Variants in CCDC141 observed in about 807,000 individuals in gnomAD.
The protein encoded by CCDC141 is coiled-coil domain containing 141.
Under a neutral mutation model 181.0 loss-of-function variants are expected in CCDC141, and 168 were observed. The observed-to-expected ratio is 0.93, with a 90% CI of 0.82 to 1.05. The LOEUF (loss-of-function observed/expected upper bound fraction) is 1.05. CCDC141 is among the 50% of genes least tolerant of loss of function. CCDC141 has a pLI of 0.00. For synonymous variants in CCDC141, 666 were observed against 642.3 expected, an observed-to-expected ratio of 1.04 and a Z score of -0.56; for missense variants, 1,902 against 1,788.5, an observed-to-expected ratio of 1.06 and a Z score of -1.14.
At chr2:178,827,384 G>C (rs73040347), downstream of CCDC141, among the ~76,000 whole-genome samples, 3 of 152,080 alleles carry the variant, frequency 2.0e-5, no homozygotes, top group Non-Finnish European at 4.4e-5. Context: ...TGCTGTTTAG[G>C]TCATGTATTT....
chr2:178,894,362 G>C (rs1200116166), intron 8 of CCDC141, among the ~76,000 whole-genome samples: 2 of 152,046 alleles, frequency 1.3e-5, no homozygotes, highest in African/African-American at 2.4e-5. Context: ...CTCCAAATGA[G>C]AGTGCAATCC....
intron 2 of CCDC141, among the ~76,000 whole-genome samples, chr2:179,014,013 C>T (rs1438862938): frequency 4.2e-5 from 6 of 143,802 alleles, no homozygotes; most frequent in African/African-American, 1.5e-4. Context: ...CATCACACTA[C>T]CTCATTTCAA....
chr2:178,844,486 T>G (rs149896108), intron 22 of CCDC141, among the ~76,000 whole-genome samples: 2 of 152,278 alleles, frequency 1.3e-5, no homozygotes, highest in South Asian at 2.1e-4. Context: ...GTAAAACCAT[T>G]TGATACAAGA....
At position 178,981,650 on chromosome 2, in the gene CCDC141, A is replaced by ATATG. The variant is rs1553495349; in HGVS notation, c.226-2976_226-2975insCATA. On this transcript the variant is annotated intron_variant, in intron 2 of 23. Transcript: ENST00000443758. ...TGTGTGTGTGTGTATATATATATAT[A>ATATG]TATATATACATACATATATACATAT... is the stretch of plus-strand genomic sequence containing the variant. 9.4e-5 allele frequency among the ~76,000 whole-genome samples: 12 copies of ATATG among 127,316 alleles called. No individual in the cohort carries two copies. The East Asian group carries it at 9.8e-4, about 10-fold the overall frequency. 83.5% of individuals were successfully genotyped at this position (127,316 alleles called of 152,430 possible). A position where few individuals can be genotyped will look rare whatever the true frequency, so the allele number is the denominator to read the frequency against.
chr2:178,828,510 A>G (rs1684157735), downstream of CCDC141, among the ~76,000 whole-genome samples: 2 of 152,228 alleles, frequency 1.3e-5, no homozygotes, highest in Non-Finnish European at 2.9e-5. Context: ...AGTAATAGAA[A>G]TGAATAAAAA....
intron 2 of CCDC141, among the ~76,000 whole-genome samples, chr2:179,031,364 TA>T (rs2042996405): frequency 6.6e-6 from 1 of 152,024 alleles, no homozygotes; most frequent in African/African-American, 2.4e-5. Context: ...CTTTTACGCC[TA>T]ATATTAATAA....
At chr2:178,918,955 C>G in intron 6 of CCDC141, 48 bp from the exon 7 acceptor site, 1 of 1,482,368 alleles carries the variant, frequency 6.7e-7, no homozygotes, top group Non-Finnish European at 9.1e-7. Flanking sequence ...CTGTTATGGA[C>G]CGAATGCTTG....
chr2:179,025,432 C>T (rs183447337), intron 2 of CCDC141, among the ~76,000 whole-genome samples: 6 of 152,206 alleles, frequency 3.9e-5, no homozygotes, highest in South Asian at 2.1e-4. Context: ...GGTTTTAAAA[C>T]GGGAGTTGCC....
the CCDC141 span, chr2:178,817,410 G>C: frequency 2.2e-6 from 1 of 446,486 alleles, no homozygotes; most frequent in Non-Finnish European, 4.6e-6. Context: ...TAGGACAGAA[G>C]TACTTCCTAG....
At chr2:178,872,403 A>C in intron 12 of CCDC141, 91 bp from the exon 13 acceptor site, 1 of 1,191,444 alleles carries the variant, frequency 8.4e-7, no homozygotes, top group Non-Finnish European at 1.2e-6. Flanking sequence ...CAAATTCTTT[A>C]TCACAACCAA....
intron 3 of CCDC141, among the ~76,000 whole-genome samples, chr2:178,976,865 G>C (rs772490090): frequency 1.3e-5 from 2 of 152,008 alleles, no homozygotes; most frequent in Non-Finnish European, 2.9e-5. Flanking sequence ...AAAAGTTCCA[G>C]GGTCACTGTT....
At chr2:178,996,295 C>G (rs1483228538) in intron 2 of CCDC141, among the ~76,000 whole-genome samples, 2 of 152,050 alleles carry the variant, frequency 1.3e-5, no homozygotes, top group Admixed American at 1.3e-4. Flanking sequence ...CCAGGCTGGT[C>G]TCAAACTTCT....
At chr2:178,863,720 G>C (rs1685718212) in intron 17 of CCDC141, among the ~76,000 whole-genome samples, 2 of 152,294 alleles carry the variant, frequency 1.3e-5, no homozygotes, top group African/African-American at 4.8e-5. Flanking sequence ...AAGTGACAAA[G>C]ACTCAAAGTT....
chr2:178,888,704 C>T (rs1041044038), intron 8 of CCDC141, 36 bp from the exon 9 acceptor site: 2 of 1,548,610 alleles, frequency 1.3e-6, no homozygotes, highest in African/African-American at 1.4e-5. Context: ...TTCACTCCAC[C>T]CCAATATAGA....
intron 19 of CCDC141, 55 bp from the exon 20 acceptor site, chr2:178,853,679 C>A: frequency 6.8e-7 from 1 of 1,475,000 alleles, no homozygotes; most frequent in Non-Finnish European, 9.2e-7. Flanking sequence ...TTCTAAAGTT[C>A]TTAATTTTGA....
intron 2 of CCDC141, among the ~76,000 whole-genome samples, chr2:179,015,101 T>TATATATATAA (rs2042413678): frequency 2.7e-5 from 1 of 36,436 alleles, no homozygotes; most frequent in African/African-American, 6.8e-5. Flanking sequence ...TATATATATA[T>TATATATATAA]ATAATATATA....
At chr2:178,983,155 C>T (rs1691518941) in intron 2 of CCDC141, among the ~76,000 whole-genome samples, 1 of 152,172 alleles carries the variant, frequency 6.6e-6, no homozygotes, top group Non-Finnish European at 1.5e-5. Flanking sequence ...GGGTCCCTGA[C>T]CCCTGACCCC....
At chr2:178,869,052 A>G in intron 15 of CCDC141, 65 bp downstream of exon 15, 1 of 1,208,868 alleles carries the variant, frequency 8.3e-7, no homozygotes, top group Non-Finnish European at 1.1e-6. Flanking sequence ...TTATTATATA[A>G]TAATTCATTT....
chr2:179,033,829 G>A (rs1222933265), intron 2 of CCDC141, among the ~76,000 whole-genome samples: 2 of 152,128 alleles, frequency 1.3e-5, no homozygotes, highest in African/African-American at 4.8e-5. Context: ...TATGATCCTG[G>A]CCTTTCAAAT....
Sources: gnomAD v4.1 joint callset for allele counts (sites outside exome capture counted in the v4.1 genomes callset) on GRCh38, gnomAD v4.1.1 for gene constraint, MANE v1.5 for transcripts, NCBI Gene and HGNC (gene_info 2026-07-23, HGNC 2026-07-21) for gene names.